ERCC3: variants seen among roughly 807,000 people sequenced by gnomAD.
ERCC3 encodes general transcription and DNA repair factor IIH helicase/translocase subunit XPB.
A neutral mutation model predicts 94.2 loss-of-function variants in ERCC3; 66 were observed. The observed-to-expected ratio is 0.70, with a 90% CI of 0.57 to 0.86. The LOEUF (loss-of-function observed/expected upper bound fraction) is 0.86. Ranked by LOEUF, ERCC3 falls within the 40% of genes least tolerant of loss-of-function variation. The probability of loss-of-function intolerance (pLI) is 0.00; values close to 1 mark genes in which losing one functional copy is unlikely to be tolerated. For missense variants in ERCC3, 829 were observed against 987.1 expected (o/e 0.84, Z 2.15); for synonymous variants, 349 against 369.1 (o/e 0.95, Z 0.63).
Position 127,279,156 on chromosome 2 carries a change from A to C in ERCC3, c.1730+17T>G, listed in dbSNP as rs998067883. 6.3e-7 allele frequency: 1 copy of C among 1,578,878 alleles called. No homozygotes were observed. The highest frequency in any genetic ancestry group is 8.7e-7 in the Non-Finnish European group (1 of 1,148,322). On this transcript the variant is annotated intron_variant, in intron 10 of 14. Coordinates refer to ENST00000285398, the MANE Select transcript of ERCC3 (RefSeq NM_000122.2). The surrounding 1 kb of genome is among the most constrained non-coding windows in gnomAD (Gnocchi z 4.7). ...GAGAAACTGGCCTGGAGGAAGCTCCAAGTTTTCAATTCTTACTTGTTCAGT... is the reference window on the plus strand; with the variant it reads ...GAGAAACTGGCCTGGAGGAAGCTCCCAGTTTTCAATTCTTACTTGTTCAGT...
intron 10 of ERCC3, among the ~76,000 whole-genome samples, chr2:127,278,250 AAG>A (rs1301215188): frequency 2.6e-5 from 4 of 151,986 alleles, no homozygotes; most frequent in Non-Finnish European, 5.9e-5. Context: ...AAAAAAAAAA[AAG>A]AAAAAAGGAA....
Position 127,290,090 on chromosome 2 carries a change from C to G in ERCC3, c.521+134G>C, listed in dbSNP as rs138479542. 30 of 851,482 alleles carry G rather than the reference C, an allele frequency of 3.5e-5. No homozygotes were observed. In the East Asian group the frequency reaches 6.5e-4, roughly 19 times the overall value. The allele number at this position is 851,482 out of a possible 1,614,324, so 52.7% of individuals were successfully genotyped here. A position where few individuals can be genotyped will look rare whatever the true frequency, so the allele number is the denominator to read the frequency against. On this transcript the variant is annotated intron_variant, in intron 4 of 14. Transcript: ENST00000285398. ...TGAGTTTCCAGTCTGGGCCACATCT[C>G]TTGTTTCTCTTCTCTTATCTGTGCT... is the stretch of plus-strand genomic sequence containing the variant.
At position 127,280,321 on chromosome 2, in the gene ERCC3, T is replaced by G; in HGVS notation, c.1527+126A>C. 1 of 848,504 alleles carries G rather than the reference T, an allele frequency of 1.2e-6. No homozygotes were observed. Among genetic ancestry groups the G allele is most frequent in the South Asian group, 1.4e-5 (1 of 69,166 alleles). 52.6% of individuals were successfully genotyped at this position (848,504 alleles called of 1,614,324 possible). A position where few individuals can be genotyped will look rare whatever the true frequency, so the allele number is the denominator to read the frequency against. On this transcript the variant is annotated intron_variant, in intron 9 of 14. Coordinates refer to ENST00000285398, the MANE Select transcript of ERCC3 (RefSeq NM_000122.2). The surrounding 1 kb of genome is among the most constrained non-coding windows in gnomAD (Gnocchi z 6.3). ...CCAACCACAGGGTGACTGAGGATCC[T>G]GTATGAAGTGGTAGCAGGTGAGCCT...
At chr2:127,261,014 A>C in intron 13 of ERCC3, 1 of 578,074 alleles carries the variant, frequency 1.7e-6, no homozygotes, top group East Asian at 3.0e-5. Flanking sequence ...TGCTGGTCAT[A>C]GTGCCATGGC....
chr2:127,259,160 T>A lies in ERCC3; in HGVS notation c.2217+136A>T, dbSNP rs369552077. 4 of 977,794 alleles carry A rather than the reference T, an allele frequency of 4.1e-6. No individual in the cohort carries two copies. The allele number at this position is 977,794 out of a possible 1,614,324, so 60.6% of individuals were successfully genotyped here. A position where few individuals can be genotyped will look rare whatever the true frequency, so the allele number is the denominator to read the frequency against. On this transcript the variant is annotated intron_variant, in intron 14 of 14. Transcript: ENST00000285398. The surrounding 1 kb of genome is among the most constrained non-coding windows in gnomAD (Gnocchi z 4.9). Reference sequence around the variant, plus strand: ...GGGCAACAAGGATTGTTTCTGTTCATCTCTTCCGTGTTTTCCAACATTTCC... The same window carrying A: ...GGGCAACAAGGATTGTTTCTGTTCAACTCTTCCGTGTTTTCCAACATTTCC...
At chr2:127,288,316 TGCCATC>T (rs1685146927) in intron 7 of ERCC3, among the ~76,000 whole-genome samples, 1 of 152,234 alleles carries the variant, frequency 6.6e-6, no homozygotes, top group Non-Finnish European at 1.5e-5. Context: ...AACAGCCCCT[TGCCATC>T]ATTACAATCT....
At chr2:127,275,446 C>T (rs1402786996) in intron 10 of ERCC3, among the ~76,000 whole-genome samples, 1 of 152,164 alleles carries the variant, frequency 6.6e-6, no homozygotes, top group Non-Finnish European at 1.5e-5. Context: ...CATTCTAGTA[C>T]ACAGGAGACA....
chr2:127,280,607 G>C lies in ERCC3; in HGVS notation c.1367C>G (p.Thr456Ser). ...CAGCTTACAGTGGGCCTGCACGATG[G>C]TGAGCACCCTTCGGAACATCTTGGC... Reference protein sequence around the residue: ...IPAKMFRRVLTIVQAHCKLGL... With the variant: ...IPAKMFRRVLSIVQAHCKLGL... The change falls in exon 9 of 15, where the codon ACC (threonine) becomes AGC (serine). Residue 456 changes from threonine to serine, a missense_variant. Thr to Ser is a moderately conservative substitution (Grantham distance 58). Transcript: ENST00000285398. This position sits in a 1 kb window ranked among gnomAD's most constrained non-coding sequence, Gnocchi z 6.3. 6.2e-7 allele frequency: 1 copy of C among 1,614,192 alleles called. No individual in the cohort carries two copies. The highest frequency in any genetic ancestry group is 8.5e-7 in the Non-Finnish European group (1 of 1,180,028).
chr2:127,292,566 C>G (rs1290815422), intron 3 of ERCC3, 44 bp downstream of exon 3: 2 of 1,249,544 alleles, frequency 1.6e-6, no homozygotes, highest in Non-Finnish European at 2.4e-6. Flanking sequence ...CCTATTGTTA[C>G]ATTAGCAGGG....
At chr2:127,276,193 G>A (rs1684731771) in intron 10 of ERCC3, among the ~76,000 whole-genome samples, 1 of 152,124 alleles carries the variant, frequency 6.6e-6, no homozygotes, top group Non-Finnish European at 1.5e-5. Context: ...CCTCACTGAA[G>A]AAACCGTCCA....
In ERCC3 at chr2:127,257,449, A is replaced by C. The variant is rs528039339; in HGVS notation, c.*147T>G. 9.9e-7 allele frequency: 1 copy of C among 1,011,998 alleles called. No homozygotes were observed. The highest frequency in any genetic ancestry group is 1.6e-6 in the Non-Finnish European group (1 of 634,454). 62.7% of individuals were successfully genotyped at this position (1,011,998 alleles called of 1,614,324 possible). A position where few individuals can be genotyped will look rare whatever the true frequency, so the allele number is the denominator to read the frequency against. On this transcript the variant is annotated 3_prime_UTR_variant, in exon 15 of 15. Coordinates refer to ENST00000285398, the MANE Select transcript of ERCC3 (RefSeq NM_000122.2). The surrounding 1 kb of genome is among the most constrained non-coding windows in gnomAD (Gnocchi z 5.4). ...AACCCTAGATGACCTATGAAGGCAC[A>C]GCCAAGCCCTTGATGCATCTTCCTC... is the stretch of plus-strand genomic sequence containing the variant.
At chr2:127,289,299 C>T in intron 6 of ERCC3, 38 bp downstream of exon 6, 4 of 1,594,638 alleles carry the variant, frequency 2.5e-6, no homozygotes, top group Non-Finnish European at 3.4e-6. Context: ...CTAACAGCAG[C>T]TCAGTGAAGG....
chr2:127,279,028 C>A lies in ERCC3; in HGVS notation c.1730+145G>T. On this transcript the variant is annotated intron_variant, in intron 10 of 14. Coordinates refer to ENST00000285398, the MANE Select transcript of ERCC3 (RefSeq NM_000122.2). This position sits in a 1 kb window ranked among gnomAD's most constrained non-coding sequence, Gnocchi z 4.7. ...ACCTACTTCAGGTCTTCCCTGGTTT[C>A]TGAGACCAGGGCCACAGAACAAGAT... 1.5e-6 allele frequency: 1 copy of A among 686,208 alleles called. No homozygotes were observed. The highest frequency in any genetic ancestry group is 2.6e-6 in the Non-Finnish European group (1 of 385,286). 42.5% of individuals were successfully genotyped at this position (686,208 alleles called of 1,614,324 possible).
intron 12 of ERCC3, among the ~76,000 whole-genome samples, chr2:127,268,115 G>A (rs1046841745): frequency 5.3e-5 from 8 of 151,720 alleles, no homozygotes; most frequent in Admixed American, 3.3e-4. Context: ...CACCACGCCC[G>A]GCTAATTTTT....
Position 127,293,706 on chromosome 2 carries a change from G to C in ERCC3, c.41C>G (p.Ser14Cys). 1 of 1,612,520 alleles carries C rather than the reference G, an allele frequency of 6.2e-7. No homozygotes were observed. Among genetic ancestry groups the C allele is most frequent in the Non-Finnish European group, 8.5e-7 (1 of 1,180,024 alleles). The change falls in exon 2 of 15, where the codon TCC (serine) becomes TGC (cysteine). Residue 14 changes from serine (S) to cysteine (C), a missense_variant. Coordinates refer to ENST00000285398, the MANE Select transcript of ERCC3 (RefSeq NM_000122.2). ...RDRADRDKKK[S>C]RKRHYEDEED... ...TTCATCCTCATAGTGCCGCTTCCTG[G>C]ATTTCTTCTTGTCTGCAAGATACCA... is the stretch of plus-strand genomic sequence containing the variant.
chr2:127,293,240 C>G (rs1685339252), intron 2 of ERCC3, among the ~76,000 whole-genome samples: 1 of 152,204 alleles, frequency 6.6e-6, no homozygotes, highest in Non-Finnish European at 1.5e-5. Context: ...ATTTATTCGG[C>G]AGATAAAAGG....
Position 127,288,653 on chromosome 2 carries a change from C to A in ERCC3, c.1027+7G>T. 1.2e-6 allele frequency: 2 copies of A among 1,612,996 alleles called. No individual in the cohort carries two copies. The highest frequency in any genetic ancestry group is 1.7e-6 in the Non-Finnish European group (2 of 1,178,956). On this transcript the variant is annotated splice_region_variant and intron_variant, in intron 7 of 14. Transcript: ENST00000285398. ...CTGACCACCTTCTTAACTCTGGTAC[C>A]ACTTACCGCAGGGAAGAACAATGAC...
At position 127,264,508 on chromosome 2, in the gene ERCC3, A is replaced by G. The variant is rs1312857255; in HGVS notation, c.1946-3162T>C. 6.6e-6 allele frequency among the ~76,000 whole-genome samples: 1 copy of G among 152,212 alleles called. No homozygotes were observed. The highest frequency in any genetic ancestry group is 1.9e-4 in the East Asian group (1 of 5,198). On this transcript the variant is annotated intron_variant, in intron 12 of 14. Coordinates refer to ENST00000285398, the MANE Select transcript of ERCC3 (RefSeq NM_000122.2). The surrounding 1 kb of genome is among the most constrained non-coding windows in gnomAD (Gnocchi z 4.4). ...TTTTTCTGTGTCTATTAGGATAATTATATGCTTTTCATTTTTAATTATGTG... is the reference window on the plus strand; with the variant it reads ...TTTTTCTGTGTCTATTAGGATAATTGTATGCTTTTCATTTTTAATTATGTG...
At position 127,292,840 on chromosome 2, in the gene ERCC3, C is replaced by G. The variant is rs1453017999; in HGVS notation, c.241G>C (p.Asp81His). 6.2e-7 allele frequency: 1 copy of G among 1,606,686 alleles called. No individual in the cohort carries two copies. The highest frequency in any genetic ancestry group is 1.3e-5 in the African/African-American group (1 of 74,732). Residue 81 changes from aspartate (D) to histidine (H), a missense_variant, in exon 3 of 15, where the codon GAT (aspartate) becomes CAT (histidine). Coordinates refer to ENST00000285398, the MANE Select transcript of ERCC3 (RefSeq NM_000122.2). ...HTSRPLWVAP[D>H]GHIFLEAFSP... is the part of the protein sequence containing the mutation. ...AAGGCTTCCAAGAAGATATGGCCATCGGGAGCCTGAGAGATACCAAATGGA... is the reference window on the plus strand; with the variant it reads ...AAGGCTTCCAAGAAGATATGGCCATGGGGAGCCTGAGAGATACCAAATGGA...
Sources: gnomAD v4.1 joint callset for allele counts (sites outside exome capture counted in the v4.1 genomes callset) on GRCh38, gnomAD v4.1.1 for gene constraint, Gnocchi (gnomAD v3.1) non-coding constraint, MANE v1.5 for transcripts, NCBI Gene and HGNC (gene_info 2026-07-23, HGNC 2026-07-21) for gene names.